ZDHHC18: variants seen among roughly 807,000 people sequenced by gnomAD.
ZDHHC18 encodes zDHHC palmitoyltransferase 18, also known as palmitoyltransferase ZDHHC18.
Under a neutral mutation model 37.5 loss-of-function variants are expected in ZDHHC18, and 23 were observed. That is an observed-to-expected ratio of 0.61 (90% confidence interval 0.44 to 0.87). ZDHHC18 has a LOEUF of 0.87. Ranked by LOEUF, ZDHHC18 falls within the 40% of genes least tolerant of loss-of-function variation. The pLI is 0.00. For missense variants in ZDHHC18, 406 were observed against 525.6 expected (o/e 0.77, Z 2.22); for synonymous variants, 185 against 218.7 (o/e 0.85, Z 1.36).
chr1:26,852,641 T>C, intron 6 of ZDHHC18, 112 bp from the exon 7 acceptor site: 1 of 852,578 alleles, frequency 1.2e-6, no homozygotes, highest in Non-Finnish European at 1.9e-6. Flanking sequence ...TGTCGCCTTC[T>C]GTAACCAGAA....
At chr1:26,835,067 G>T (rs1557641004) in intron 2 of ZDHHC18, among the ~76,000 whole-genome samples, 1 of 152,202 alleles carries the variant, frequency 6.6e-6, no homozygotes, top group Non-Finnish European at 1.5e-5. Flanking sequence ...AGTTTGGGTG[G>T]AATTCAAGCA....
At chr1:26,845,478 G>A (rs2081659341) in intron 2 of ZDHHC18, among the ~76,000 whole-genome samples, 2 of 148,484 alleles carry the variant, frequency 1.3e-5, no homozygotes, top group Non-Finnish European at 3.0e-5. Context: ...GATTACAGGC[G>A]CCCACCACCA....
Position 26,850,729 on chromosome 1 carries a change from C to A in ZDHHC18, c.833+123C>A. On this transcript the variant is annotated intron_variant, in intron 5 of 7. Coordinates refer to ENST00000374142, the MANE Select transcript of ZDHHC18 (RefSeq NM_032283.3). This position sits in a 1 kb window ranked among gnomAD's most constrained non-coding sequence, Gnocchi z 6.1. Reference sequence around the variant, plus strand: ...CAGCTCACATGTGTCCTCCAGAATCCAACATGCCAGCTCTTCTGTTCACAC... The same window carrying A: ...CAGCTCACATGTGTCCTCCAGAATCAAACATGCCAGCTCTTCTGTTCACAC... 2 of 1,164,310 alleles carry A rather than the reference C, an allele frequency of 1.7e-6. No homozygotes were observed. Among genetic ancestry groups the A allele is most frequent in the Non-Finnish European group, 2.5e-6 (2 of 807,738 alleles). The allele number at this position is 1,164,310 out of a possible 1,614,324, so 72.1% of individuals were successfully genotyped here. A position where few individuals can be genotyped will look rare whatever the true frequency, so the allele number is the denominator to read the frequency against.
chr1:26,846,408 G>A (rs186372989), intron 2 of ZDHHC18, among the ~76,000 whole-genome samples: 2 of 130,088 alleles, frequency 1.5e-5, no homozygotes, highest in African/African-American at 5.9e-5. Context: ...CTCACTGCAA[G>A]CTCTGCCTCC....
At chr1:26,842,320 T>G (rs945314051) in intron 2 of ZDHHC18, among the ~76,000 whole-genome samples, 6 of 152,210 alleles carry the variant, frequency 3.9e-5, no homozygotes, top group African/African-American at 1.4e-4. Flanking sequence ...ACCATTTGCT[T>G]TGTGCCATTT....
intron 2 of ZDHHC18, among the ~76,000 whole-genome samples, chr1:26,835,562 A>G (rs556514686): frequency 6.6e-6 from 1 of 152,118 alleles, no homozygotes; most frequent in Non-Finnish European, 1.5e-5. Flanking sequence ...TTAGCTGGGC[A>G]TGGTGGCGTG....
At chr1:26,845,628 C>T (rs938116161) in intron 2 of ZDHHC18, among the ~76,000 whole-genome samples, 7 of 151,780 alleles carry the variant, frequency 4.6e-5, no homozygotes, top group South Asian at 4.1e-4. Context: ...CCACCGCGCC[C>T]GGCCTCATTC....
In ZDHHC18 at chr1:26,856,922, G is replaced by A; in HGVS notation, c.*3079G>A. The A allele has an allele frequency of 1.3e-5, 2 of 153,068 alleles. No homozygotes were observed. Among genetic ancestry groups the A allele is most frequent in the South Asian group, 2.0e-4 (1 of 4,884 alleles). The allele number at this position is 153,068 out of a possible 1,614,324, so 9.5% of individuals were successfully genotyped here. On this transcript the variant is annotated 3_prime_UTR_variant, in exon 8 of 8. Transcript: ENST00000374142. This position sits in a 1 kb window ranked among gnomAD's most constrained non-coding sequence, Gnocchi z 5.2. ...CCAGGAATGGCCTGGGGGGAGCCAG[G>A]CACCCGGCACCTCCACCTGCCTAAC...
At chr1:26,844,660 A>G (rs1022739788) in intron 2 of ZDHHC18, among the ~76,000 whole-genome samples, 1 of 152,116 alleles carries the variant, frequency 6.6e-6, no homozygotes, top group Non-Finnish European at 1.5e-5. Context: ...TGAGATTTCT[A>G]GTTGCTCTAC....
intron 2 of ZDHHC18, among the ~76,000 whole-genome samples, chr1:26,843,811 T>G (rs1194928987): frequency 6.6e-6 from 1 of 151,734 alleles, no homozygotes; most frequent in East Asian, 1.9e-4. Context: ...GTATAGAAAT[T>G]TTAAGTGTTC....
chr1:26,853,622 A>T, intron 7 of ZDHHC18, 104 bp from the exon 8 acceptor site: 1 of 1,104,154 alleles, frequency 9.1e-7, no homozygotes, highest in Non-Finnish European at 1.3e-6. Flanking sequence ...AGCCTTTCTC[A>T]GCCTGGGCCT....
chr1:26,831,691 A>T (rs1337128350), intron 1 of ZDHHC18, among the ~76,000 whole-genome samples: 1 of 152,188 alleles, frequency 6.6e-6, no homozygotes, highest in Non-Finnish European at 1.5e-5. Context: ...AGGCATGACC[A>T]TTCAGCAGGC....
Position 26,827,099 on chromosome 1 carries a change from C to T in ZDHHC18, c.295C>T (p.Leu99=), listed in dbSNP as rs1320445659. ...CGGCGGCGTCTTCGCGCTCACGCTG[C>T]TGCTCATCCTCACCACCACCGGCCT... ...GHGGVFALTL[L]LILTTTGLFF... is the part of the protein sequence containing the mutation. Residue 99 remains leucine, a synonymous_variant, in exon 1 of 8, where the codon CTG becomes TTG. Transcript: ENST00000374142. 2.1e-6 allele frequency: 3 copies of T among 1,415,056 alleles called. No homozygotes were observed. Among genetic ancestry groups the T allele is most frequent in the South Asian group, 2.9e-5 (2 of 69,392 alleles). The allele number at this position is 1,415,056 out of a possible 1,614,324, so 87.7% of individuals were successfully genotyped here. A position where few individuals can be genotyped will look rare whatever the true frequency, so the allele number is the denominator to read the frequency against.
chr1:26,837,917 T>C (rs1384049402), intron 2 of ZDHHC18, among the ~76,000 whole-genome samples: 1 of 152,100 alleles, frequency 6.6e-6, no homozygotes, highest in Non-Finnish European at 1.5e-5. Context: ...TTGCTTGTGC[T>C]TGTGCTGTCC....
rs192236595 is a variant in ZDHHC18, at chr1:26,854,124, G to A, written c.*281G>A. On this transcript the variant is annotated 3_prime_UTR_variant, in exon 8 of 8. Coordinates refer to ENST00000374142, the MANE Select transcript of ZDHHC18 (RefSeq NM_032283.3). This position sits in a 1 kb window ranked among gnomAD's most constrained non-coding sequence, Gnocchi z 4.6. ...ACCCAGGGGACCACACCAAGTCCTTGCCTGTGCCGGGCGAGCCCTGTGTGA... is the reference window on the plus strand; with the variant it reads ...ACCCAGGGGACCACACCAAGTCCTTACCTGTGCCGGGCGAGCCCTGTGTGA... 1 of 404,688 alleles carries A rather than the reference G, an allele frequency of 2.5e-6. No individual in the cohort carries two copies. The highest frequency in any genetic ancestry group is 4.4e-5 in the East Asian group (1 of 22,510). 25.1% of individuals were successfully genotyped at this position (404,688 alleles called of 1,614,324 possible).
chr1:26,851,249 C>T lies in ZDHHC18; in HGVS notation c.936+18C>T, dbSNP rs756534122. ...ATGAAGACGTGAGTAAACCTGGAGC[C>T]ACCCCTCATTCTAGGGCAGCGCCCT... On this transcript the variant is annotated intron_variant, in intron 6 of 7. Coordinates refer to ENST00000374142, the MANE Select transcript of ZDHHC18 (RefSeq NM_032283.3). 3 of 1,611,402 alleles carry T rather than the reference C, an allele frequency of 1.9e-6. No homozygotes were observed. The highest frequency in any genetic ancestry group is 2.5e-6 in the Non-Finnish European group (3 of 1,177,472).
intron 2 of ZDHHC18, among the ~76,000 whole-genome samples, chr1:26,846,728 G>T (rs1334143793): frequency 1.3e-5 from 2 of 151,954 alleles, no homozygotes; most frequent in African/African-American, 4.8e-5. Context: ...AGTTGATAGT[G>T]CATCTTATTT....
At position 26,827,132 on chromosome 1, in the gene ZDHHC18, G is replaced by A; in HGVS notation, c.328G>A (p.Val110Ile). 7.1e-7 allele frequency: 1 copy of A among 1,408,754 alleles called. No individual in the cohort carries two copies. The highest frequency in any genetic ancestry group is 9.2e-7 in the Non-Finnish European group (1 of 1,086,194). The allele number at this position is 1,408,754 out of a possible 1,614,324, so 87.3% of individuals were successfully genotyped here. A position where few individuals can be genotyped will look rare whatever the true frequency, so the allele number is the denominator to read the frequency against. ...CCTCACCACCACCGGCCTCTTCTTC[G>A]TCTTTGAGTGAGTTCCGCTGCCTCG... ...LILTTTGLFF[V>I]FDCPYLARKL... is the part of the protein sequence containing the mutation. Residue 110 changes from valine (V) to isoleucine (I), a missense_variant, in exon 1 of 8, where the codon GTC becomes ATC. Val to Ile is a conservative substitution (Grantham distance 29, BLOSUM62 3). Coordinates refer to ENST00000374142, the MANE Select transcript of ZDHHC18 (RefSeq NM_032283.3).
At chr1:26,847,286 AC>A (rs1344766700) in intron 2 of ZDHHC18, among the ~76,000 whole-genome samples, 1 of 151,838 alleles carries the variant, frequency 6.6e-6, no homozygotes, top group East Asian at 1.9e-4. Flanking sequence ...GCTCATGCTC[AC>A]TGCAGCCTGG....
Sources: gnomAD v4.1 joint callset for allele counts (sites outside exome capture counted in the v4.1 genomes callset) on GRCh38, gnomAD v4.1.1 for gene constraint, Gnocchi (gnomAD v3.1) non-coding constraint, MANE v1.5 for transcripts, NCBI Gene and HGNC (gene_info 2026-07-23, HGNC 2026-07-21) for gene names.